Variants in THRB observed in about 807,000 individuals in gnomAD.
THRB encodes the protein nuclear receptor subfamily 1 group A member 2.
THRB carries 12 observed loss-of-function variants against 47.8 expected under a neutral mutation model. That is an observed-to-expected ratio of 0.25 (90% CI 0.16 to 0.41). The LOEUF is 0.41. Ranked by LOEUF, THRB falls within the 10% of genes least tolerant of loss-of-function variation. The probability of loss-of-function intolerance (pLI) is 1.00; values close to 1 mark genes in which losing one functional copy is unlikely to be tolerated. For missense variants in THRB, 348 were observed against 589.2 expected, an observed-to-expected ratio of 0.59 and a Z score of 4.24; for synonymous variants, 218 against 212.2, an observed-to-expected ratio of 1.03 and a Z score of -0.24.
At chr3:24,254,234 A>G in intron 3 of THRB, among the ~76,000 whole-genome samples, 1 of 81,830 alleles carries the variant, frequency 1.2e-5, no homozygotes, top group South Asian at 4.4e-4. Context: ...AAAAAAAAAA[A>G]AAAAAAAAAA....
At chr3:24,363,053 A>G (rs936613815) in intron 1 of THRB, among the ~76,000 whole-genome samples, 3 of 152,194 alleles carry the variant, frequency 2.0e-5, no homozygotes, top group Admixed American at 6.6e-5. Context: ...GGTTAGGGTA[A>G]TTCTTAATTT....
rs540778243 is a variant in THRB, at chr3:24,266,726, A to T, written c.-43+30500T>A. ...AATACCCAGTCCACAAAATGTACTCAGTGAGGAAGATGAAGGATTTTGAGA... is the reference window on the plus strand; with the variant it reads ...AATACCCAGTCCACAAAATGTACTCTGTGAGGAAGATGAAGGATTTTGAGA... On this transcript the variant is annotated intron_variant, in intron 3 of 10. Coordinates refer to ENST00000646209, the MANE Select transcript of THRB (RefSeq NM_001354712.2). Among the ~76,000 whole-genome samples the T allele has an allele frequency of 1.4e-4, 22 of 152,314 alleles. 1 individual carries two copies. Among genetic ancestry groups the T allele is most frequent in the East Asian group, 1.4e-3 (7 of 5,178 alleles).
At chr3:24,210,800 G>A (rs761879491) in intron 4 of THRB, among the ~76,000 whole-genome samples, 1 of 152,226 alleles carries the variant, frequency 6.6e-6, no homozygotes, top group Non-Finnish European at 1.5e-5. Flanking sequence ...AGTGCTAGCA[G>A]AAACCTATTT....
chr3:24,400,907 A>T (rs2067337741), intron 1 of THRB, among the ~76,000 whole-genome samples: 1 of 152,084 alleles, frequency 6.6e-6, no homozygotes, highest in African/African-American at 2.4e-5. Flanking sequence ...TGTAAGTAGT[A>T]ATAAGAAAAA....
At chr3:24,371,668 T>C (rs886326994) in intron 1 of THRB, among the ~76,000 whole-genome samples, 18 of 152,040 alleles carry the variant, frequency 1.2e-4, no homozygotes, top group Non-Finnish European at 2.2e-4. Context: ...CAGCTCCTCA[T>C]GTGTGTTGTC....
chr3:24,309,458 T>C (rs998269815), intron 2 of THRB, among the ~76,000 whole-genome samples: 1 of 152,214 alleles, frequency 6.6e-6, no homozygotes, highest in East Asian at 1.9e-4. Flanking sequence ...AGTTGTTTTC[T>C]GTCTGTTCTC....
At position 24,148,578 on chromosome 3, in the gene THRB, T is replaced by C. The variant is rs568983129; in HGVS notation, c.385-1756A>G. On this transcript the variant is annotated intron_variant, in intron 6 of 10. Transcript: ENST00000646209. The stretch of plus-strand genomic sequence containing the variant: ...TTCCTGGTGGCAAAACAAGTTTTGA[T>C]GGATGTCTTCTGCTAAGGCCTAAAG... Among the ~76,000 whole-genome samples, 6 of 152,332 alleles carry C rather than the reference T, an allele frequency of 3.9e-5. No individual in the cohort carries two copies. In the East Asian group the frequency reaches 1.2e-3, roughly 29 times the overall value.
At chr3:24,127,406 GC>G in intron 10 of THRB, 92 bp downstream of exon 10, 2 of 1,366,348 alleles carry the variant, frequency 1.5e-6, no homozygotes, top group Non-Finnish European at 2.1e-6. Flanking sequence ...TGTTTCTGAA[GC>G]TAAAGGGGGA....
chr3:24,414,986 G>A (rs866539228), intron 1 of THRB, among the ~76,000 whole-genome samples: 1 of 151,752 alleles, frequency 6.6e-6, no homozygotes, highest in African/African-American at 2.4e-5. Flanking sequence ...AGTTTCCACC[G>A]GTCTTTCAAG....
intron 4 of THRB, among the ~76,000 whole-genome samples, chr3:24,225,878 A>G (rs1487538787): frequency 6.6e-6 from 1 of 152,002 alleles, no homozygotes. Flanking sequence ...AAGGAATCGC[A>G]TTTTTCAATG....
At chr3:24,249,558 T>TGGGTTAGAGG (rs879789996) in intron 3 of THRB, among the ~76,000 whole-genome samples, 10,155 of 152,162 alleles carry the variant, frequency 0.067, 757 homozygotes, top group African/African-American at 0.18. Flanking sequence ...AACCCAGAAC[T>TGGGTTAGAGG]TAAACAATCA....
chr3:24,332,225 T>A (rs538989864), intron 2 of THRB, among the ~76,000 whole-genome samples: 2 of 152,184 alleles, frequency 1.3e-5, no homozygotes, highest in Admixed American at 1.3e-4. Flanking sequence ...CTAGAATTTA[T>A]ACATGAAGGC....
intron 1 of THRB, among the ~76,000 whole-genome samples, chr3:24,489,166 T>C (rs1355451887): frequency 6.6e-6 from 1 of 151,438 alleles, no homozygotes; most frequent in Non-Finnish European, 1.5e-5. Flanking sequence ...CCCTTGAACC[T>C]AGGAGGTGGA....
At chr3:24,229,392 A>AGAGCTTGT (rs2048025469) in intron 3 of THRB, among the ~76,000 whole-genome samples, 1 of 152,148 alleles carries the variant, frequency 6.6e-6, no homozygotes, top group Non-Finnish European at 1.5e-5. Flanking sequence ...ACATTGCCTG[A>AGAGCTTGT]GAGCTTGTGA....
chr3:24,143,486 G>T lies in THRB; in HGVS notation c.738+15C>A. The T allele has an allele frequency of 1.2e-6, 2 of 1,613,214 alleles. No homozygotes were observed. Among genetic ancestry groups the T allele is most frequent in the Non-Finnish European group, 1.7e-6 (2 of 1,179,138 alleles). The stretch of plus-strand genomic sequence containing the variant: ...TGGCATATAAGTGAAACTGATCTGT[G>T]CAAGGAAGCCTTACCAGGAATTTCC... On this transcript the variant is annotated intron_variant, in intron 8 of 10. Coordinates refer to ENST00000646209, the MANE Select transcript of THRB (RefSeq NM_001354712.2).
intron 1 of THRB, among the ~76,000 whole-genome samples, chr3:24,371,996 A>G (rs2064955764): frequency 6.6e-6 from 1 of 152,086 alleles, no homozygotes; most frequent in Admixed American, 6.6e-5. Flanking sequence ...GCCCCCAATA[A>G]CACCGGAAAT....
chr3:24,429,208 T>C (rs534445886), intron 1 of THRB, among the ~76,000 whole-genome samples: 37 of 151,220 alleles, frequency 2.4e-4, no homozygotes, highest in African/African-American at 8.5e-4. Flanking sequence ...GGAGGAGACA[T>C]AAATATGTGA....
At chr3:24,169,495 ACTT>A (rs143949255) in intron 5 of THRB, among the ~76,000 whole-genome samples, 36 of 152,118 alleles carry the variant, frequency 2.4e-4, no homozygotes, top group Non-Finnish European at 3.5e-4. Flanking sequence ...CAACTTCTGG[ACTT>A]CTTTTTTTCT....
At chr3:24,420,793 T>A (rs1413048509) in intron 1 of THRB, among the ~76,000 whole-genome samples, 1 of 151,876 alleles carries the variant, frequency 6.6e-6, no homozygotes, top group African/African-American at 2.4e-5. Flanking sequence ...ATTGTGGTGA[T>A]TTCCCAAAGA....
Sources: allele counts gnomAD v4.1 joint callset (sites outside exome capture counted in the v4.1 genomes callset), GRCh38; gene constraint gnomAD v4.1.1; transcripts MANE v1.5; gene names NCBI Gene and HGNC (gene_info 2026-07-23, HGNC 2026-07-21).